DNAJC10: variants seen among roughly 807,000 people sequenced by gnomAD.
DNAJC10 encodes DnaJ heat shock protein family (Hsp40) member C10.
DNAJC10 carries 101 observed loss-of-function variants against 115.0 expected under a neutral mutation model. The ratio of observed to expected loss-of-function variants is 0.88; its 90% CI spans 0.75 to 1.04. The LOEUF is 1.04. Among genes scored for constraint, DNAJC10 ranks in the 50% least tolerant of loss-of-function variants. DNAJC10 has a pLI of 0.00. For synonymous variants in DNAJC10, 307 were observed against 301.5 expected, an observed-to-expected ratio of 1.02 and a Z score of -0.19; for missense variants, 981 against 928.8, an observed-to-expected ratio of 1.06 and a Z score of -0.73.
chr2:182,754,160 G>A (rs549026818), intron 16 of DNAJC10, among the ~76,000 whole-genome samples: 11 of 152,252 alleles, frequency 7.2e-5, no homozygotes, highest in African/African-American at 2.4e-4. Flanking sequence ...CTAAAATAAT[G>A]CTCAACACAT....
chr2:182,768,229 A>G (rs1197952629), intron 22 of DNAJC10, among the ~76,000 whole-genome samples: 1 of 152,142 alleles, frequency 6.6e-6, no homozygotes, highest in Non-Finnish European at 1.5e-5. Context: ...GGCAGCTTAT[A>G]TCAGAGCCTG....
Position 182,781,554 on chromosome 2 carries a change from G to A in DNAJC10, c.*4422G>A, listed in dbSNP as rs1388726626. On this transcript the variant is annotated 3_prime_UTR_variant, in exon 24 of 24. Coordinates refer to ENST00000264065, the MANE Select transcript of DNAJC10 (RefSeq NM_018981.4). ...GAATCGCCACACTGTCTTCCACAAT[G>A]GTTGAACAAATTTACACTCCCACTA... The A allele has an allele frequency of 6.6e-6, 1 of 152,130 alleles. No homozygotes were observed. The highest frequency in any genetic ancestry group is 1.5e-5 in the Non-Finnish European group (1 of 68,020). The allele number at this position is 152,130 out of a possible 1,614,324, so 9.4% of individuals were successfully genotyped here.
At chr2:182,728,353 T>A (rs1693345032) in intron 5 of DNAJC10, among the ~76,000 whole-genome samples, 1 of 152,176 alleles carries the variant, frequency 6.6e-6, no homozygotes, top group African/African-American at 2.4e-5. Context: ...AAGCTATTGT[T>A]GGTTTGACAT....
rs1486305216 is a variant in DNAJC10 at position 182,755,023 on chromosome 2, A to C, written c.1572A>C (p.Pro524=). 1.2e-6 allele frequency: 2 copies of C among 1,604,716 alleles called. No homozygotes were observed. The highest frequency in any genetic ancestry group is 2.2e-5 in the East Asian group (1 of 44,738). Reference sequence around the variant, plus strand: ...ATCAGTATAACATTCAGGCTTATCCAACAACAGTGGTATTCAACCAGTCCA... The same window carrying C: ...ATCAGTATAACATTCAGGCTTATCCCACAACAGTGGTATTCAACCAGTCCA... ...LCNMYNIQAY[P]TTVVFNQSNI... The change falls in exon 17 of 24, where the codon CCA becomes CCC. Residue 524 remains proline (P), a synonymous_variant. Coordinates refer to ENST00000264065, the MANE Select transcript of DNAJC10 (RefSeq NM_018981.4).
In DNAJC10 at chr2:182,780,247, G is replaced by T. The variant is rs1574966074; in HGVS notation, c.*3115G>T. 1 of 152,144 alleles carries T rather than the reference G, an allele frequency of 6.6e-6. No individual in the cohort carries two copies. Among genetic ancestry groups the T allele is most frequent in the South Asian group, 2.1e-4 (1 of 4,828 alleles). The allele number at this position is 152,144 out of a possible 1,614,324, so 9.4% of individuals were successfully genotyped here. On this transcript the variant is annotated 3_prime_UTR_variant, in exon 24 of 24. Coordinates refer to ENST00000264065, the MANE Select transcript of DNAJC10 (RefSeq NM_018981.4). ...TGTTGGATATGGGGCCTGGTGGGAG[G>T]TGTTTGGGTGATGGGGGCTGATCCC...
chr2:182,755,269 A>G (rs1218762433), intron 17 of DNAJC10, among the ~76,000 whole-genome samples, 165 bp downstream of exon 17: 2 of 152,234 alleles, frequency 1.3e-5, no homozygotes, highest in East Asian at 3.9e-4. Flanking sequence ...CTTCTTATAT[A>G]CTTGTCTGTA....
At chr2:182,732,331 T>A (rs1187301791) in intron 9 of DNAJC10, among the ~76,000 whole-genome samples, 168 bp from the exon 10 acceptor site, 1 of 151,710 alleles carries the variant, frequency 6.6e-6, no homozygotes, top group Non-Finnish European at 1.5e-5. Context: ...TTTTTGTGTG[T>A]GTGTTTGTAT....
In DNAJC10 at chr2:182,778,208, C is replaced by G. The variant is rs970993350; in HGVS notation, c.*1076C>G. ...TTTATTATTCAAATAGGAAAAATTA[C>G]TTTACAGGTTGTTTTACTGTAGCTT... On this transcript the variant is annotated 3_prime_UTR_variant, in exon 24 of 24. Coordinates refer to ENST00000264065, the MANE Select transcript of DNAJC10 (RefSeq NM_018981.4). The G allele has an allele frequency of 2.0e-5, 3 of 152,084 alleles. No homozygotes were observed. The highest frequency in any genetic ancestry group is 4.4e-5 in the Non-Finnish European group (3 of 68,016). 9.4% of individuals were successfully genotyped at this position (152,084 alleles called of 1,614,324 possible). A position where few individuals can be genotyped will look rare whatever the true frequency, so the allele number is the denominator to read the frequency against.
Position 182,727,799 on chromosome 2 carries a change from C to T in DNAJC10, c.419-777C>T, listed in dbSNP as rs114910579. Reference sequence around the variant, plus strand: ...CCTTTAACCAAAAGCAGATTAACCTCGCCTTTTTATCTTGAATGTGAAAGC... The same window carrying T: ...CCTTTAACCAAAAGCAGATTAACCTTGCCTTTTTATCTTGAATGTGAAAGC... On this transcript the variant is annotated intron_variant, in intron 5 of 23. Transcript: ENST00000264065. Among the ~76,000 whole-genome samples the T allele has an allele frequency of 8.7e-3, 1,329 of 152,186 alleles. 14 individuals carry two copies. The highest frequency in any genetic ancestry group is 0.031 in the African/African-American group (1,280 of 41,514).
intron 5 of DNAJC10, among the ~76,000 whole-genome samples, chr2:182,726,857 G>C (rs976423545): frequency 6.6e-6 from 1 of 151,816 alleles, no homozygotes; most frequent in Non-Finnish European, 1.5e-5. Context: ...TCAGTCTCCC[G>C]ACTAGCTGAG....
intron 8 of DNAJC10, chr2:182,730,532 AG>A (rs1402893046): frequency 2.2e-6 from 1 of 451,546 alleles, no homozygotes; most frequent in South Asian, 1.6e-5. Flanking sequence ...CTATTATTAT[AG>A]AGCTTAAGGG....
At chr2:182,731,485 A>G (rs544959295) in intron 9 of DNAJC10, among the ~76,000 whole-genome samples, 1 of 152,188 alleles carries the variant, frequency 6.6e-6, no homozygotes, top group African/African-American at 2.4e-5. Flanking sequence ...GCTTATATAT[A>G]TCTCTCAAAC....
chr2:182,748,885 C>T (rs1299594483), intron 14 of DNAJC10, among the ~76,000 whole-genome samples: 2 of 151,870 alleles, frequency 1.3e-5, no homozygotes, highest in Non-Finnish European at 2.9e-5. Context: ...CAAAGAACAT[C>T]TTTATTTCTG....
rs1448915758 is a variant in DNAJC10 at position 182,792,601 on chromosome 2, A to T, written c.*15469A>T. On this transcript the variant is annotated 3_prime_UTR_variant, in exon 24 of 24. Coordinates refer to ENST00000264065, the MANE Select transcript of DNAJC10 (RefSeq NM_018981.4). The stretch of plus-strand genomic sequence containing the variant: ...TAAGCAGTCCATCTAAATGCATGCC[A>T]GTTTCTTTCTTGATAAATTAGAGGC... 1 of 152,230 alleles carries T rather than the reference A, an allele frequency of 6.6e-6. No homozygotes were observed. Among genetic ancestry groups the T allele is most frequent in the Admixed American group, 6.5e-5 (1 of 15,276 alleles). 9.4% of individuals were successfully genotyped at this position (152,230 alleles called of 1,614,324 possible).
At chr2:182,733,952 A>G (rs1237601427) in intron 10 of DNAJC10, among the ~76,000 whole-genome samples, 1 of 151,466 alleles carries the variant, frequency 6.6e-6, no homozygotes, top group Non-Finnish European at 1.5e-5. Context: ...TGTAGTATCT[A>G]TAGTGATGTT....
intron 10 of DNAJC10, among the ~76,000 whole-genome samples, chr2:182,733,662 G>C (rs1246074233): frequency 6.9e-6 from 1 of 144,068 alleles, no homozygotes; most frequent in Non-Finnish European, 1.5e-5. Flanking sequence ...AACAGTTTCT[G>C]TACAACTGTT....
chr2:182,728,358 TG>T (rs1693345208), intron 5 of DNAJC10, among the ~76,000 whole-genome samples: 1 of 152,208 alleles, frequency 6.6e-6, no homozygotes, highest in Admixed American at 6.5e-5. Flanking sequence ...ATTGTTGGTT[TG>T]ACATTTGAAA....
intron 8 of DNAJC10, chr2:182,730,463 C>A: frequency 2.5e-6 from 1 of 398,650 alleles, no homozygotes; most frequent in Non-Finnish European, 5.0e-6. Context: ...TAGTCCCTGC[C>A]ATCAGTGACT....
At chr2:182,763,480 G>T (rs1013734440) in intron 22 of DNAJC10, among the ~76,000 whole-genome samples, 1 of 152,020 alleles carries the variant, frequency 6.6e-6, no homozygotes, top group African/African-American at 2.4e-5. Context: ...TATTGAAAGG[G>T]CTTGTTAAAC....
Sources: gnomAD v4.1 joint callset for allele counts (sites outside exome capture counted in the v4.1 genomes callset) on GRCh38, gnomAD v4.1.1 for gene constraint, MANE v1.5 for transcripts, NCBI Gene and HGNC (gene_info 2026-07-23, HGNC 2026-07-21) for gene names.